The following ODF2 variants were observed in gnomAD, a reference collection of about 807,000 sequenced individuals.
The protein encoded by ODF2 is outer dense fiber protein 2.
In ODF2, 47 loss-of-function variants were observed where a neutral mutation model predicts 110.2. That is an observed-to-expected ratio of 0.43 (90% CI 0.34 to 0.54). The LOEUF is 0.54. Ranked by LOEUF, ODF2 falls within the 20% of genes least tolerant of loss-of-function variation. ODF2 has a pLI of 0.03. For missense variants in ODF2, 812 were observed against 1,054.5 expected (o/e 0.77, Z 3.19); for synonymous variants, 352 against 397.7 (o/e 0.89, Z 1.37).
chr9:128,459,745 C>T, intron 3 of ODF2, 88 bp downstream of exon 2: 1 of 957,806 alleles, frequency 1.0e-6, no homozygotes, highest in South Asian at 1.4e-5. Context: ...CCTTACCCTG[C>T]TGGGCACCAT....
chr9:128,475,988 T>A (rs914117803), intron 8 of ODF2, among the ~76,000 whole-genome samples: 1 of 152,008 alleles, frequency 6.6e-6, no homozygotes, highest in Non-Finnish European at 1.5e-5. Flanking sequence ...AGTCATGTGG[T>A]CTTTCTGGGC....
At chr9:128,463,669 C>A (rs1325717869) in intron 4 of ODF2, among the ~76,000 whole-genome samples, 1 of 137,100 alleles carries the variant, frequency 7.3e-6, no homozygotes, top group Non-Finnish European at 1.6e-5. Context: ...TTGGCCGGCC[C>A]TATTTGTGCA....
chr9:128,466,644 CAT>C (rs10591401), intron 4 of ODF2, among the ~76,000 whole-genome samples: 36,601 of 142,428 alleles, frequency 0.26, 7,313 homozygotes, highest in African/African-American at 0.56. Context: ...CACACTTTCC[CAT>C]ATATATATAT....
At chr9:128,496,634 C>T (rs961554350) in intron 18 of ODF2, among the ~76,000 whole-genome samples, 3 of 152,256 alleles carry the variant, frequency 2.0e-5, no homozygotes, top group Non-Finnish European at 4.4e-5. Flanking sequence ...TGCCACTTAC[C>T]AGCATTGTGA....
upstream of ODF2, chr9:128,455,318 G>A (rs977977349): frequency 3.2e-5 from 37 of 1,154,392 alleles, no homozygotes; most frequent in Non-Finnish European, 4.4e-5. Context: ...TTGGAAGGCC[G>A]AGGCGGGTGG....
At chr9:128,486,729 A>G (rs1384586443) in intron 13 of ODF2, among the ~76,000 whole-genome samples, 3 of 152,118 alleles carry the variant, frequency 2.0e-5, no homozygotes, top group East Asian at 3.9e-4. Context: ...GCGTCTTTCT[A>G]TTTGTGCCTT....
intron 8 of ODF2, among the ~76,000 whole-genome samples, chr9:128,478,376 T>C (rs1157289535): frequency 6.6e-6 from 1 of 152,050 alleles, no homozygotes; most frequent in Non-Finnish European, 1.5e-5. Flanking sequence ...GGTGGGCAGA[T>C]TGCCTGAGCT....
intron 3 of ODF2, among the ~76,000 whole-genome samples, chr9:128,459,905 T>A (rs1381625272): frequency 2.0e-5 from 3 of 152,002 alleles, no homozygotes. Flanking sequence ...TTGAGATTTT[T>A]AAAATAAAGG....
intron 4 of ODF2, among the ~76,000 whole-genome samples, chr9:128,464,628 T>C (rs1182631902): frequency 6.6e-6 from 1 of 151,750 alleles, no homozygotes; most frequent in African/African-American, 2.4e-5. Flanking sequence ...GCCTCTGAGT[T>C]AGCTGGGACT....
intron 5 of ODF2, among the ~76,000 whole-genome samples, chr9:128,470,952 G>C (rs145048518): frequency 6.7e-6 from 1 of 149,638 alleles, no homozygotes; most frequent in East Asian, 2.0e-4. Flanking sequence ...ACTCTTGTCC[G>C]CCCAGGCTGG....
chr9:128,455,246 CATAGAGA>C (rs565569289), upstream of ODF2: 100 of 1,534,866 alleles, frequency 6.5e-5, no homozygotes, highest in East Asian at 7.1e-4. Context: ...CACAGAGCGG[CATAGAGA>C]GTGCAGGAGG....
chr9:128,499,086 C>T, exon 20 of ODF2: 1 of 1,614,142 alleles, frequency 6.2e-7, no homozygotes, highest in Non-Finnish European at 8.5e-7. Flanking sequence ...CTGAGCAGAA[C>T]CAAAACGGAA....
intron 3 of ODF2, 144 bp downstream of exon 2, chr9:128,459,801 A>G: frequency 3.2e-6 from 2 of 618,976 alleles, no homozygotes; most frequent in South Asian, 4.0e-5. Context: ...TACTCTGCTG[A>G]TTTTTAATTA....
At chr9:128,499,453 C>G (rs1158588111) in intron 20 of ODF2, among the ~76,000 whole-genome samples, 2 of 152,086 alleles carry the variant, frequency 1.3e-5, no homozygotes. Flanking sequence ...CCATCCCTGG[C>G]TACTTTTTTG....
chr9:128,501,017 A>G (rs145213047), downstream of ODF2: 350 of 152,322 alleles, frequency 2.3e-3, 1 homozygote, highest in African/African-American at 8.0e-3. Flanking sequence ...CCTCCTCTAA[A>G]AAATGATTAA....
chr9:128,483,602 T>C (rs1008050375), intron 10 of ODF2, among the ~76,000 whole-genome samples: 1 of 149,072 alleles, frequency 6.7e-6, no homozygotes, highest in Non-Finnish European at 1.5e-5. Flanking sequence ...AAAAAATTAT[T>C]GACCATGCGC....
At chr9:128,473,307 T>G in intron 7 of ODF2, 1 of 951,984 alleles carries the variant, frequency 1.1e-6, no homozygotes, top group South Asian at 4.8e-5. Context: ...GGTTGATTCC[T>G]GCAAGTATCA....
At chr9:128,477,348 A>C (rs2131883741) in intron 8 of ODF2, among the ~76,000 whole-genome samples, 1 of 152,024 alleles carries the variant, frequency 6.6e-6, no homozygotes, top group African/African-American at 2.4e-5. Flanking sequence ...CAGGAGTTTG[A>C]GACCAGCCGG....
chr9:128,499,262 TC>T, intron 20 of ODF2, 136 bp downstream of exon 20: 1 of 1,036,338 alleles, frequency 9.6e-7, no homozygotes, highest in Non-Finnish European at 1.4e-6. Flanking sequence ...TCACTTTCTA[TC>T]CCTTAAGGAT....
Sources: gnomAD v4.1 joint callset for allele counts (sites outside exome capture counted in the v4.1 genomes callset) on GRCh38, gnomAD v4.1.1 for gene constraint, MANE v1.5 for transcripts, NCBI Gene and HGNC (gene_info 2026-07-23, HGNC 2026-07-21) for gene names.